PHEX: variants seen among roughly 807,000 people sequenced by gnomAD.
PHEX encodes the protein phosphate regulating endopeptidase X-linked, also known as phosphate-regulating neutral endopeptidase PHEX.
A neutral mutation model predicts 68.0 loss-of-function variants in PHEX; 16 were observed. The observed-to-expected ratio is 0.24, with a 90% confidence interval of 0.16 to 0.36. The LOEUF is 0.36. PHEX is among the 10% of genes least tolerant of loss of function. The pLI, the probability that PHEX is intolerant of heterozygous loss-of-function variation, is 1.00. For missense variants in PHEX, 480 were observed against 575.5 expected, an observed-to-expected ratio of 0.83 and a Z score of 1.70; for synonymous variants, 208 against 205.1, an observed-to-expected ratio of 1.01 and a Z score of -0.12.
At chrX:22,165,981 T>C (rs915114600) in intron 12 of PHEX, among the ~76,000 whole-genome samples, 1 of 112,209 alleles carries the variant, frequency 8.9e-6, no homozygotes, top group Non-Finnish European at 1.9e-5. Flanking sequence ...ACTTTATTTA[T>C]AAAAACAGGG....
At chrX:22,169,479 G>T (rs1933450477) in intron 13 of PHEX, among the ~76,000 whole-genome samples, 1 of 112,273 alleles carries the variant, frequency 8.9e-6, no homozygotes, top group South Asian at 3.7e-4. Flanking sequence ...AATAGATGAT[G>T]TTCATTCCCA....
chrX:22,075,514 C>T (rs1465183648), intron 3 of PHEX, among the ~76,000 whole-genome samples: 1 of 110,801 alleles, frequency 9.0e-6, no homozygotes, highest in South Asian at 3.8e-4. Flanking sequence ...AGGCAGTGCC[C>T]TGGTGCTGCA....
intron 3 of PHEX, among the ~76,000 whole-genome samples, chrX:22,058,601 G>A (rs1202158828): frequency 8.9e-6 from 1 of 112,040 alleles, no homozygotes; most frequent in Non-Finnish European, 1.9e-5. Context: ...AACTTGCATT[G>A]CCAGACCTTG....
intron 15 of PHEX, among the ~76,000 whole-genome samples, chrX:22,201,286 C>T (rs1934544157): frequency 9.0e-6 from 1 of 111,246 alleles, no homozygotes; most frequent in Admixed American, 9.6e-5. Flanking sequence ...AAGCGATTCC[C>T]CTGCCTCAGC....
chrX:22,160,767 A>G (rs924791755), intron 12 of PHEX, among the ~76,000 whole-genome samples: 2 of 110,999 alleles, frequency 1.8e-5, no homozygotes, highest in Non-Finnish European at 3.8e-5. Flanking sequence ...CAGCCAAAAC[A>G]TATCAGTAAG....
At chrX:22,080,477 C>T (rs1021285059) in intron 5 of PHEX, among the ~76,000 whole-genome samples, 2 of 111,332 alleles carry the variant, frequency 1.8e-5, no homozygotes, top group Non-Finnish European at 3.8e-5. Context: ...TACAAGAGTT[C>T]GAGCATGTAT....
intron 11 of PHEX, among the ~76,000 whole-genome samples, chrX:22,117,558 A>G (rs1931286161): frequency 8.9e-6 from 1 of 111,970 alleles, no homozygotes; most frequent in Admixed American, 9.5e-5. Context: ...TGGGAAGGCT[A>G]TAAAAACAAT....
intron 15 of PHEX, 26 bp from the exon 16 acceptor site, chrX:22,212,877 TC>T: frequency 8.8e-7 from 1 of 1,142,411 alleles, no homozygotes; most frequent in East Asian, 3.0e-5. Flanking sequence ...TCTCTCTATA[TC>T]TCTTAACATT....
intron 17 of PHEX, among the ~76,000 whole-genome samples, chrX:22,220,395 G>A (rs1279811845): frequency 9.0e-6 from 1 of 111,280 alleles, no homozygotes; most frequent in African/African-American, 3.3e-5. Context: ...CTGTTAAAAT[G>A]TGGCTGACTT....
At chrX:22,200,672 A>G (rs747478862) in intron 15 of PHEX, among the ~76,000 whole-genome samples, 2 of 111,843 alleles carry the variant, frequency 1.8e-5, no homozygotes, top group African/African-American at 6.5e-5. Context: ...ACACACTCTG[A>G]AAAGGTTAAG....
chrX:22,236,791 G>T (rs1476335041), intron 20 of PHEX, among the ~76,000 whole-genome samples: 1 of 82,511 alleles, frequency 1.2e-5, no homozygotes, highest in Non-Finnish European at 2.4e-5. Context: ...AAAGTATAGT[G>T]ATCTATCAAT....
intron 1 of PHEX, 87 bp from the exon 2 acceptor site, chrX:22,038,382 T>C: frequency 3.2e-6 from 2 of 621,132 alleles, no homozygotes; most frequent in Non-Finnish European, 2.8e-6. Context: ...TGAACTGATA[T>C]CAAATATCTT....
intron 12 of PHEX, among the ~76,000 whole-genome samples, chrX:22,160,347 G>A (rs1407538248): frequency 1.8e-5 from 2 of 110,461 alleles, no homozygotes; most frequent in East Asian, 2.9e-4. Context: ...TCAGGAGTTC[G>A]AGACCAGCCT....
intron 11 of PHEX, among the ~76,000 whole-genome samples, chrX:22,132,956 G>A (rs777819126): frequency 1.8e-5 from 2 of 110,146 alleles, no homozygotes; most frequent in African/African-American, 6.6e-5. Context: ...GTGCAGTCAT[G>A]GCTCACTGCA....
At chrX:22,170,816 T>C (rs1434295256) in intron 13 of PHEX, among the ~76,000 whole-genome samples, 1 of 112,535 alleles carries the variant, frequency 8.9e-6, no homozygotes, top group African/African-American at 3.2e-5. Context: ...TAAGGACCCA[T>C]TGAATGCAAT....
At chrX:22,036,052 A>ATTTTTTT (rs1262185201) in intron 1 of PHEX, among the ~76,000 whole-genome samples, 1 of 58,427 alleles carries the variant, frequency 1.7e-5, no homozygotes, top group Non-Finnish European at 3.0e-5. Flanking sequence ...ATATATATAT[A>ATTTTTTT]TATTTTTTTT....
intron 20 of PHEX, among the ~76,000 whole-genome samples, chrX:22,232,880 T>A (rs1395644556): frequency 9.1e-6 from 1 of 110,342 alleles, no homozygotes; most frequent in Non-Finnish European, 1.9e-5. Context: ...TGATGCAGTT[T>A]CTTCATAGTG....
chrX:22,193,691 C>A (rs1934274711), intron 15 of PHEX, among the ~76,000 whole-genome samples: 1 of 111,496 alleles, frequency 9.0e-6, no homozygotes, highest in African/African-American at 3.3e-5. Flanking sequence ...TGTTGTCCAG[C>A]CTATGAGTCC....
In PHEX at chrX:22,084,580, G is replaced by A. The variant is rs1270838474; in HGVS notation, c.664-5849G>A. 2.4e-4 allele frequency among the ~76,000 whole-genome samples: 17 copies of A among 70,107 alleles called. 1 individual carries two copies. Among genetic ancestry groups the A allele is most frequent in the African/African-American group, 8.6e-4 (17 of 19,830 alleles). 60.9% of individuals were successfully genotyped at this position (70,107 alleles called of 115,157 possible). On this transcript the variant is annotated intron_variant, in intron 5 of 21. Coordinates refer to ENST00000379374, the MANE Select transcript of PHEX (RefSeq NM_000444.6). ...TTTTGGAAGAGTTTGAATATAATTT[G>A]TATTGCTTCTTTAAATGTTTTGTAG...
Sources: allele counts gnomAD v4.1 joint callset (sites outside exome capture counted in the v4.1 genomes callset), GRCh38; gene constraint gnomAD v4.1.1; transcripts MANE v1.5; gene names NCBI Gene and HGNC (gene_info 2026-07-23, HGNC 2026-07-21).